SEC24A: variants seen among roughly 807,000 people sequenced by gnomAD.
SEC24A encodes the protein SEC24 homolog A, COPII component, also known as protein transport protein Sec24A.
SEC24A carries 93 observed loss-of-function variants against 129.4 expected under a neutral mutation model. That is an observed-to-expected ratio of 0.72 (90% CI 0.61 to 0.85). The LOEUF is 0.85. SEC24A is among the 40% of genes least tolerant of loss of function. The pLI is 0.00. For synonymous variants in SEC24A, 460 were observed against 467.3 expected (o/e 0.98, Z 0.20); for missense variants, 1,264 against 1,307.4 (o/e 0.97, Z 0.51).
At chr5:134,716,880 A>C (rs968808173) in intron 19 of SEC24A, among the ~76,000 whole-genome samples, 1 of 147,288 alleles carries the variant, frequency 6.8e-6, no homozygotes, top group South Asian at 2.1e-4. Flanking sequence ...TAACTTTTTT[A>C]CTTTTTTTTT....
intron 17 of SEC24A, among the ~76,000 whole-genome samples, chr5:134,706,468 T>C (rs143721264): frequency 1.6e-3 from 242 of 152,322 alleles, no homozygotes; most frequent in Middle Eastern, 3.4e-3. Flanking sequence ...TTGTGGTCTT[T>C]CTACTTGAGG....
intron 15 of SEC24A, among the ~76,000 whole-genome samples, chr5:134,699,707 T>TG (rs1420238481): frequency 6.7e-6 from 1 of 149,300 alleles, no homozygotes; most frequent in African/African-American, 2.5e-5. Context: ...TTTTTTTTTT[T>TG]TTTTTTTTTT....
chr5:134,676,279 A>G (rs1009961330), intron 7 of SEC24A, among the ~76,000 whole-genome samples, 154 bp downstream of exon 7: 1 of 151,482 alleles, frequency 6.6e-6, no homozygotes, highest in African/African-American at 2.4e-5. Context: ...AGCTGGGATT[A>G]CAGGTGCCTG....
At chr5:134,705,096 T>A (rs1316018512) in intron 16 of SEC24A, among the ~76,000 whole-genome samples, 386 of 141,898 alleles carry the variant, frequency 2.7e-3, no homozygotes, top group Middle Eastern at 7.6e-3. Flanking sequence ...ATATATTTTT[T>A]TTTTTTTAAT....
chr5:134,689,392 A>T (rs1293616512), intron 11 of SEC24A, among the ~76,000 whole-genome samples: 2 of 152,230 alleles, frequency 1.3e-5, no homozygotes, highest in Non-Finnish European at 2.9e-5. Flanking sequence ...AGCAATAGCA[A>T]TCATTCACAA....
At chr5:134,697,338 G>T (rs1271938502) in intron 14 of SEC24A, 92 bp downstream of exon 14, 2 of 1,025,510 alleles carry the variant, frequency 2.0e-6, no homozygotes, top group African/African-American at 1.6e-5. Context: ...CAAAGTTAAA[G>T]AATATGTATG....
chr5:134,709,695 G>A (rs1028918355), intron 18 of SEC24A, among the ~76,000 whole-genome samples: 2 of 152,028 alleles, frequency 1.3e-5, no homozygotes, highest in African/African-American at 4.8e-5. Flanking sequence ...TTGAGGTTAT[G>A]GATATGTTAC....
chr5:134,720,825 C>T (rs1192435446), intron 20 of SEC24A, among the ~76,000 whole-genome samples, 173 bp from the exon 21 acceptor site: 1 of 152,108 alleles, frequency 6.6e-6, no homozygotes, highest in Non-Finnish European at 1.5e-5. Flanking sequence ...TCGCTTGAAC[C>T]CAGGAGTCGG....
At chr5:134,700,299 C>T (rs1580726136) in intron 15 of SEC24A, among the ~76,000 whole-genome samples, 1 of 151,990 alleles carries the variant, frequency 6.6e-6, no homozygotes, top group Middle Eastern at 3.4e-3. Flanking sequence ...TAGCTCACTG[C>T]AGCCTCAACT....
At chr5:134,687,019 C>T (rs1751478137) in intron 10 of SEC24A, 117 bp downstream of exon 10, 1 of 516,982 alleles carries the variant, frequency 1.9e-6, no homozygotes, top group African/African-American at 2.0e-5. Flanking sequence ...CCACCCAAAT[C>T]AGTTGTTAAT....
At chr5:134,679,766 C>A in intron 8 of SEC24A, 38 bp downstream of exon 8, 1 of 1,484,334 alleles carries the variant, frequency 6.7e-7, no homozygotes, top group South Asian at 1.4e-5. Flanking sequence ...AACGTTTCTA[C>A]TTGCATTGTA....
intron 9 of SEC24A, among the ~76,000 whole-genome samples, chr5:134,685,045 A>G (rs932269052): frequency 6.6e-6 from 1 of 152,170 alleles, no homozygotes; most frequent in Admixed American, 6.5e-5. Flanking sequence ...TCAACTACCC[A>G]TGGATCGAAA....
intron 1 of SEC24A, among the ~76,000 whole-genome samples, chr5:134,653,439 CAG>C (rs1164722567): frequency 6.6e-6 from 1 of 152,010 alleles, no homozygotes; most frequent in Non-Finnish European, 1.5e-5. Context: ...TTTTAGAAAA[CAG>C]AGCTGCACTC....
intron 3 of SEC24A, among the ~76,000 whole-genome samples, chr5:134,670,578 A>C (rs139052996): frequency 5.1e-4 from 78 of 152,304 alleles, no homozygotes; most frequent in African/African-American, 1.8e-3. Flanking sequence ...ATTTTGGGAG[A>C]AGAGATGTTA....
intron 3 of SEC24A, among the ~76,000 whole-genome samples, 176 bp downstream of exon 3, chr5:134,667,172 G>A (rs1379583782): frequency 6.6e-6 from 1 of 152,052 alleles, no homozygotes; most frequent in African/African-American, 2.4e-5. Context: ...ATTGCCATCC[G>A]CTGGGCTGTG....
Position 134,688,375 on chromosome 5 carries a change from GTGT to G in SEC24A, c.1723+81_1723+83del, listed in dbSNP as rs1246199137. On this transcript the variant is annotated intron_variant, in intron 11 of 22. Transcript: ENST00000398844. ...CTTGATTACTTGACAAATTGGATGT[GTGT>G]TGTTTGTAGTATGTCAAGGAAAATC... is the stretch of plus-strand genomic sequence containing the variant. 7.9e-6 allele frequency: 7 copies of G among 883,288 alleles called. No individual in the cohort carries two copies. In the Admixed American group the frequency reaches 1.0e-4, roughly 13 times the overall value. The allele number at this position is 883,288 out of a possible 1,614,324, so 54.7% of individuals were successfully genotyped here.
intron 16 of SEC24A, among the ~76,000 whole-genome samples, 185 bp downstream of exon 16, chr5:134,704,117 T>G (rs1283942549): frequency 6.6e-6 from 1 of 152,114 alleles, no homozygotes; most frequent in Non-Finnish European, 1.5e-5. Flanking sequence ...GTCACCAGGC[T>G]GGAGTGCAGT....
At chr5:134,690,992 A>C (rs1326050665) in intron 11 of SEC24A, among the ~76,000 whole-genome samples, 1 of 151,802 alleles carries the variant, frequency 6.6e-6, no homozygotes, top group East Asian at 1.9e-4. Context: ...CTGGGATTAC[A>C]GGCATGTGCC....
rs1356800604 is a variant in SEC24A, at chr5:134,682,501, A to G, written c.1491+19A>G. On this transcript the variant is annotated intron_variant, in intron 9 of 22. Coordinates refer to ENST00000398844, the MANE Select transcript of SEC24A (RefSeq NM_021982.3). ...ATACATGGTAAACTTTTATTTTTTG[A>G]TACAGTATACCCATTTTTTATTACC... 1 of 1,238,232 alleles carries G rather than the reference A, an allele frequency of 8.1e-7. No individual in the cohort carries two copies. 76.7% of individuals were successfully genotyped at this position (1,238,232 alleles called of 1,614,324 possible).
Sources: allele counts gnomAD v4.1 joint callset (sites outside exome capture counted in the v4.1 genomes callset), GRCh38; gene constraint gnomAD v4.1.1; transcripts MANE v1.5; gene names NCBI Gene and HGNC (gene_info 2026-07-23, HGNC 2026-07-21).